The following HTR2C variants were observed in gnomAD, a reference collection of about 807,000 sequenced individuals.
The protein encoded by HTR2C is 5-hydroxytryptamine (serotonin) receptor 2C, G protein-coupled.
A neutral mutation model predicts 21.0 loss-of-function variants in HTR2C; 5 were observed. The ratio of observed to expected loss-of-function variants is 0.24; its 90% CI spans 0.12 to 0.50. The LOEUF (loss-of-function observed/expected upper bound fraction) is 0.50, where lower values mean the gene tolerates loss of function less well. Ranked by LOEUF, HTR2C falls within the 20% of genes least tolerant of loss-of-function variation. HTR2C has a pLI of 0.98. For synonymous variants in HTR2C, 150 were observed against 145.3 expected (o/e 1.03, Z -0.23); for missense variants, 271 against 371.2 (o/e 0.73, Z 2.22).
chrX:114,732,891 A>C (rs2069550194), intron 4 of HTR2C, among the ~76,000 whole-genome samples: 1 of 112,043 alleles, frequency 8.9e-6, no homozygotes, highest in African/African-American at 3.2e-5. Context: ...CCAAATAAAC[A>C]AAGAACAATA....
chrX:114,657,750 T>C (rs1930837522), intron 2 of HTR2C, among the ~76,000 whole-genome samples: 1 of 111,696 alleles, frequency 9.0e-6, no homozygotes, highest in South Asian at 3.6e-4. Context: ...GTGCACAACG[T>C]GCAGGTTAGT....
At chrX:114,675,867 TC>T (rs1931537646) in intron 2 of HTR2C, among the ~76,000 whole-genome samples, 1 of 97,821 alleles carries the variant, frequency 1.0e-5, no homozygotes, top group Non-Finnish European at 2.1e-5. Context: ...GTTTCTTTTT[TC>T]TTTTTTCTTT....
intron 4 of HTR2C, among the ~76,000 whole-genome samples, chrX:114,750,274 A>G (rs1306649306): frequency 1.8e-5 from 2 of 111,818 alleles, no homozygotes; most frequent in Non-Finnish European, 3.8e-5. Context: ...TCTAACTGTC[A>G]TTGTTCAAAT....
At chrX:114,726,377 C>T (rs181618025) in intron 2 of HTR2C, among the ~76,000 whole-genome samples, 213 of 112,167 alleles carry the variant, frequency 1.9e-3, no homozygotes, top group Non-Finnish European at 2.5e-3. Flanking sequence ...CTTCGGCTCG[C>T]GCACGGTGCG....
At chrX:114,753,114 T>TG (rs1391103314) in intron 4 of HTR2C, among the ~76,000 whole-genome samples, 1 of 107,873 alleles carries the variant, frequency 9.3e-6, no homozygotes, top group African/African-American at 3.4e-5. Flanking sequence ...TCCCTGTGGT[T>TG]TTTTTTTATC....
intron 2 of HTR2C, among the ~76,000 whole-genome samples, chrX:114,701,588 T>G (rs1357562389): frequency 6.3e-5 from 7 of 110,364 alleles, no homozygotes; most frequent in Non-Finnish European, 1.1e-4. Flanking sequence ...AGACCAAAAG[T>G]AGATAAAACC....
intron 4 of HTR2C, among the ~76,000 whole-genome samples, chrX:114,792,214 C>T (rs781797285): frequency 2.7e-5 from 3 of 111,249 alleles, no homozygotes; most frequent in Non-Finnish European, 5.7e-5. Context: ...CACCTATCAA[C>T]CTGTCACCTA....
chrX:114,789,880 T>C, intron 4 of HTR2C, among the ~76,000 whole-genome samples: 1 of 111,898 alleles, frequency 8.9e-6, no homozygotes, highest in Middle Eastern at 4.6e-3. Context: ...GCCTGGCACA[T>C]AGTAAGCAAC....
intron 2 of HTR2C, among the ~76,000 whole-genome samples, chrX:114,650,211 CCA>C (rs1930507909): frequency 1.8e-5 from 2 of 111,336 alleles, no homozygotes; most frequent in South Asian, 7.6e-4. Context: ...AGGAAAATTC[CCA>C]AGTCCAATTT....
chrX:114,898,826 G>A (rs1556484674), intron 5 of HTR2C, among the ~76,000 whole-genome samples: 1 of 111,628 alleles, frequency 9.0e-6, no homozygotes, highest in African/African-American at 3.3e-5. Context: ...GTTGAGTAAC[G>A]TGATGCCTCC....
At chrX:114,711,953 A>G (rs184197524) in intron 2 of HTR2C, among the ~76,000 whole-genome samples, 1 of 112,118 alleles carries the variant, frequency 8.9e-6, no homozygotes, top group African/African-American at 3.2e-5. Context: ...TCAATTCTTT[A>G]TATCAATAAA....
intron 2 of HTR2C, among the ~76,000 whole-genome samples, chrX:114,684,540 G>A (rs1292711989): frequency 4.5e-5 from 5 of 111,385 alleles, no homozygotes; most frequent in South Asian, 7.4e-4. Context: ...AATTTTTTAG[G>A]TTACTTTTAT....
intron 1 of HTR2C, among the ~76,000 whole-genome samples, chrX:114,599,767 T>A (rs1347906272): frequency 8.9e-6 from 1 of 112,505 alleles, no homozygotes; most frequent in Non-Finnish European, 1.9e-5. Context: ...TATGTTACAA[T>A]CACATTTTAA....
At chrX:114,717,120 G>A (rs1373762935) in intron 2 of HTR2C, among the ~76,000 whole-genome samples, 1 of 110,551 alleles carries the variant, frequency 9.0e-6, no homozygotes, top group East Asian at 2.9e-4. Context: ...TGCCCTAGCT[G>A]GAGTAGAATG....
At chrX:114,870,435 C>T (rs1204353857) in intron 5 of HTR2C, among the ~76,000 whole-genome samples, 1 of 111,117 alleles carries the variant, frequency 9.0e-6, no homozygotes, top group African/African-American at 3.3e-5. Context: ...TAATATTGGC[C>T]TTGTAGAATG....
chrX:114,843,076 A>G (rs187035110), intron 4 of HTR2C, among the ~76,000 whole-genome samples: 1,331 of 111,444 alleles, frequency 0.012, 19 homozygotes, highest in Admixed American at 0.073. Context: ...CATGCAAATA[A>G]ACTAGGAAAT....
At chrX:114,722,012 G>A (rs1556420827) in intron 2 of HTR2C, among the ~76,000 whole-genome samples, 2 of 109,022 alleles carry the variant, frequency 1.8e-5, no homozygotes, top group African/African-American at 6.7e-5. Context: ...CTCTTTTTTG[G>A]TTCCATATGA....
chrX:114,724,837 A>G (rs148158409), intron 2 of HTR2C, among the ~76,000 whole-genome samples: 2,701 of 102,185 alleles, frequency 0.026, 87 homozygotes, highest in African/African-American at 0.09. Context: ...AATGTTGAAT[A>G]TTGGTCCCCA....
chrX:114,617,564 T>G (rs1928998220), intron 2 of HTR2C, among the ~76,000 whole-genome samples: 1 of 112,699 alleles, frequency 8.9e-6, no homozygotes, highest in African/African-American at 3.2e-5. Context: ...ATCTGTTTTA[T>G]TCACAAATAT....
Sources: gnomAD v4.1 joint callset for allele counts (sites outside exome capture counted in the v4.1 genomes callset) on GRCh38, gnomAD v4.1.1 for gene constraint, MANE v1.5 for transcripts, NCBI Gene and HGNC (gene_info 2026-07-23, HGNC 2026-07-21) for gene names.